Variants in LGR4 observed in about 807,000 individuals in gnomAD.
LGR4 encodes the protein leucine-rich repeat-containing G protein-coupled receptor 4.
In LGR4, 44 loss-of-function variants were observed where a neutral mutation model predicts 84.8. The observed-to-expected ratio is 0.52, with a 90% confidence interval of 0.41 to 0.67. LGR4 has a LOEUF of 0.67. LGR4 is among the 30% of genes least tolerant of loss of function. The pLI is 0.00. For missense variants in LGR4, 1,032 were observed against 1,131.4 expected, an observed-to-expected ratio of 0.91 and a Z score of 1.26; for synonymous variants, 429 against 434.3, an observed-to-expected ratio of 0.99 and a Z score of 0.15.
chr11:27,384,181 A>G (rs1171315245), intron 6 of LGR4, 155 bp downstream of exon 6: 1 of 583,744 alleles, frequency 1.7e-6, no homozygotes, highest in African/African-American at 1.9e-5. Context: ...AGTATTCATA[A>G]TTAGGTTATT....
chr11:27,461,977 C>T (rs1258564778), intron 1 of LGR4, among the ~76,000 whole-genome samples: 3 of 151,398 alleles, frequency 2.0e-5, no homozygotes, highest in South Asian at 2.1e-4. Context: ...TACAGGTGCC[C>T]GTCGCCATGC....
chr11:27,472,346 C>T lies in LGR4; in HGVS notation c.-44G>A. 1.7e-6 allele frequency: 2 copies of T among 1,183,338 alleles called. No individual in the cohort carries two copies. The highest frequency in any genetic ancestry group is 2.1e-6 in the Non-Finnish European group (2 of 953,684). 73.3% of individuals were successfully genotyped at this position (1,183,338 alleles called of 1,614,324 possible). A position where few individuals can be genotyped will look rare whatever the true frequency, so the allele number is the denominator to read the frequency against. On this transcript the variant is annotated 5_prime_UTR_variant, in exon 1 of 18. Coordinates refer to ENST00000379214, the MANE Select transcript of LGR4 (RefSeq NM_018490.5). ...CGCCGGCCTCTCCCGCGGCGCTGCT[C>T]GCTCCGCTGCCCTCCGATGTCCCCC... is the stretch of plus-strand genomic sequence containing the variant.
At chr11:27,428,498 C>T (rs983412848) in intron 1 of LGR4, among the ~76,000 whole-genome samples, 4 of 152,214 alleles carry the variant, frequency 2.6e-5, no homozygotes, top group African/African-American at 7.2e-5. Context: ...GCACGCTCTA[C>T]GTGCCTGGCA....
At chr11:27,371,779 A>G in intron 16 of LGR4, 81 bp from the exon 17 acceptor site, 2 of 987,618 alleles carry the variant, frequency 2.0e-6, no homozygotes, top group Non-Finnish European at 3.1e-6. Flanking sequence ...TTTTCTCTGT[A>G]TATAAGTGTG....
At chr11:27,444,104 A>AT in intron 1 of LGR4, among the ~76,000 whole-genome samples, 1 of 152,102 alleles carries the variant, frequency 6.6e-6, no homozygotes, top group Non-Finnish European at 1.5e-5. Flanking sequence ...GAAAAAAAAA[A>AT]TAGCAGGGAT....
Position 27,380,740 on chromosome 11 carries a change from T to G in LGR4, c.831-29A>C. ...TGAAAATATCCAAAAAAAGTAAAAT[T>G]TTCATATGTTCACAAGCACTCTAAT... On this transcript the variant is annotated intron_variant, in intron 8 of 17. Coordinates refer to ENST00000379214, the MANE Select transcript of LGR4 (RefSeq NM_018490.5). The G allele has an allele frequency of 4.8e-6, 7 of 1,470,194 alleles. No homozygotes were observed. In the South Asian group the frequency reaches 8.1e-5, roughly 17 times the overall value. 91.1% of individuals were successfully genotyped at this position (1,470,194 alleles called of 1,614,324 possible).
intron 1 of LGR4, among the ~76,000 whole-genome samples, chr11:27,424,809 C>G (rs531748901): frequency 1.3e-5 from 2 of 152,130 alleles, no homozygotes; most frequent in African/African-American, 4.8e-5. Context: ...AGTGCAATGG[C>G]GCGATCTCAG....
chr11:27,407,568 AG>A (rs1863635832), intron 2 of LGR4, among the ~76,000 whole-genome samples: 1 of 152,204 alleles, frequency 6.6e-6, no homozygotes, highest in Non-Finnish European at 1.5e-5. Flanking sequence ...GCATTAACTT[AG>A]GTAAAGACTA....
At chr11:27,436,891 C>G (rs1011234030) in intron 1 of LGR4, among the ~76,000 whole-genome samples, 1 of 151,946 alleles carries the variant, frequency 6.6e-6, no homozygotes, top group African/African-American at 2.4e-5. Context: ...AGTCTTTGCA[C>G]TGCATTGCGG....
intron 1 of LGR4, among the ~76,000 whole-genome samples, chr11:27,432,425 T>C (rs1239137629): frequency 6.6e-6 from 1 of 152,234 alleles, no homozygotes. Flanking sequence ...CTGGCTCACC[T>C]ACTTCATATA....
rs750833934 is a variant in LGR4, at chr11:27,368,149, G to C, written c.2574C>G (p.Cys858Trp). The change falls in exon 18 of 18, where the codon TGC (cysteine) becomes TGG (tryptophan). Residue 858 changes from cysteine to tryptophan, a missense_variant. Physicochemically the swap from Cys to Trp is radical, Grantham distance 215. Coordinates refer to ENST00000379214, the MANE Select transcript of LGR4 (RefSeq NM_018490.5). ...YSHLQGNLTV[C>W]DCCESFLLTK... ...TTAAAAGAAACGATTCGCAGCAGTC[G>C]CAAACAGTCAGGTTGCCCTGCAAAT... 5 of 1,614,052 alleles carry C rather than the reference G, an allele frequency of 3.1e-6. No homozygotes were observed.
In LGR4 at chr11:27,402,722, G is replaced by A. The variant is rs897717001; in HGVS notation, c.257+10067C>T. On this transcript the variant is annotated intron_variant, in intron 2 of 17. Coordinates refer to ENST00000379214, the MANE Select transcript of LGR4 (RefSeq NM_018490.5). Reference sequence around the variant, plus strand: ...GTGACTAAGTTCTAGCCAGTGAGATGTGAATAGAAGCATTGTGCGGTATGC... The same window carrying A: ...GTGACTAAGTTCTAGCCAGTGAGATATGAATAGAAGCATTGTGCGGTATGC... Among the ~76,000 whole-genome samples, 3 of 152,192 alleles carry A rather than the reference G, an allele frequency of 2.0e-5. No individual in the cohort carries two copies. The South Asian group carries it at 6.2e-4, about 32-fold the overall frequency.
chr11:27,468,176 ACTTTAAAGTC>A (rs2133463186), intron 1 of LGR4, among the ~76,000 whole-genome samples: 1 of 152,336 alleles, frequency 6.6e-6, no homozygotes, highest in African/African-American at 2.4e-5. Context: ...CTTTAAAAAC[ACTTTAAAGTC>A]CTTCAGGTAA....
chr11:27,406,806 A>G (rs1863619456), intron 2 of LGR4, among the ~76,000 whole-genome samples: 1 of 152,204 alleles, frequency 6.6e-6, no homozygotes. Flanking sequence ...ACATCACCAG[A>G]GCAACTGAGG....
At chr11:27,449,215 T>G (rs948279775) in intron 1 of LGR4, among the ~76,000 whole-genome samples, 2 of 152,162 alleles carry the variant, frequency 1.3e-5, no homozygotes, top group African/African-American at 4.8e-5. Context: ...AAGACATGCC[T>G]AAGAGTTTAT....
intron 17 of LGR4, among the ~76,000 whole-genome samples, chr11:27,370,663 A>G (rs1429135491): frequency 2.0e-5 from 3 of 152,156 alleles, no homozygotes; most frequent in East Asian, 1.9e-4. Flanking sequence ...CTCCTGGCCA[A>G]TCTCCAAGTT....
intron 13 of LGR4, among the ~76,000 whole-genome samples, chr11:27,375,364 T>C (rs1215439974): frequency 6.6e-6 from 1 of 151,896 alleles, no homozygotes; most frequent in Non-Finnish European, 1.5e-5. Context: ...GTTTCTGTGC[T>C]AAAGTTCTAG....
chr11:27,403,441 T>C lies in LGR4; in HGVS notation c.257+9348A>G, dbSNP rs1229847743. Among the ~76,000 whole-genome samples, 15 of 152,116 alleles carry C rather than the reference T, an allele frequency of 9.9e-5. 1 individual carries two copies. Among genetic ancestry groups the C allele is most frequent in the Non-Finnish European group, 2.9e-5 (2 of 68,020 alleles). ...CTGGACAATAGAGTGAGACCCTGTC[T>C]CAAAAAAACAGAAAGTTTCTAAAAC... On this transcript the variant is annotated intron_variant, in intron 2 of 17. Coordinates refer to ENST00000379214, the MANE Select transcript of LGR4 (RefSeq NM_018490.5).
chr11:27,467,847 C>T (rs1396878757), intron 1 of LGR4, among the ~76,000 whole-genome samples: 1 of 152,184 alleles, frequency 6.6e-6, no homozygotes, highest in African/African-American at 2.4e-5. Flanking sequence ...GATATTCATA[C>T]ATCGTTCTTG....
Sources: allele counts gnomAD v4.1 joint callset (sites outside exome capture counted in the v4.1 genomes callset), GRCh38; gene constraint gnomAD v4.1.1; transcripts MANE v1.5; gene names NCBI Gene and HGNC (gene_info 2026-07-23, HGNC 2026-07-21).